Variants in FAP observed in about 807,000 individuals in gnomAD.
FAP encodes the protein fibroblast activation protein alpha.
In FAP, 110 loss-of-function variants were observed where a neutral mutation model predicts 126.5. The observed-to-expected ratio is 0.87, with a 90% CI of 0.74 to 1.02. The LOEUF is 1.02. FAP is among the 50% of genes least tolerant of loss of function. The probability of loss-of-function intolerance (pLI) is 0.00; values close to 1 mark genes in which losing one functional copy is unlikely to be tolerated. For synonymous variants in FAP, 334 were observed against 297.3 expected (o/e 1.12, Z -1.27); for missense variants, 919 against 909.2 (o/e 1.01, Z -0.14).
At chr2:162,198,986 A>T (rs1688381104) in intron 15 of FAP, 105 bp from the exon 16 acceptor site, 2 of 931,236 alleles carry the variant, frequency 2.1e-6, no homozygotes, top group African/African-American at 1.7e-5. Context: ...CATCAAACCC[A>T]CTCTATTTTT....
intron 20 of FAP, among the ~76,000 whole-genome samples, chr2:162,187,272 G>A (rs964538373): frequency 6.6e-6 from 1 of 151,934 alleles, no homozygotes; most frequent in African/African-American, 2.4e-5. Flanking sequence ...AACATTAAGG[G>A]GATAAAAAAT....
chr2:162,242,846 T>C, intron 2 of FAP, 62 bp downstream of exon 2: 2 of 1,239,336 alleles, frequency 1.6e-6, no homozygotes, highest in Non-Finnish European at 2.3e-6. Flanking sequence ...ACTTGTGATC[T>C]TGCATTAGTA....
At chr2:162,172,577 G>A (rs1687347936) in intron 25 of FAP, 1 of 447,668 alleles carries the variant, frequency 2.2e-6, no homozygotes, top group Non-Finnish European at 4.0e-6. Context: ...TTAATCTTGT[G>A]AACTCCTTTA....
intron 15 of FAP, among the ~76,000 whole-genome samples, chr2:162,199,299 T>A (rs1427295664): frequency 6.6e-6 from 1 of 152,164 alleles, no homozygotes; most frequent in African/African-American, 2.4e-5. Flanking sequence ...AAAGAGTCCC[T>A]GTTCTTACCA....
rs774667478 is a variant in FAP, at chr2:162,224,561, A to G, written c.286-21T>C. On this transcript the variant is annotated intron_variant, in intron 4 of 25. Coordinates refer to ENST00000188790, the MANE Select transcript of FAP (RefSeq NM_004460.5). ...CTTTTCTGAAATTATGAAGAGGTTG[A>G]TTAGAATACAGAAAAGATAACAAAG... 13 of 1,457,766 alleles carry G rather than the reference A, an allele frequency of 8.9e-6. No homozygotes were observed. The South Asian group carries it at 1.5e-4, about 16-fold the overall frequency. 90.3% of individuals were successfully genotyped at this position (1,457,766 alleles called of 1,614,324 possible).
At chr2:162,188,140 G>C in intron 20 of FAP, 29 bp downstream of exon 20, 1 of 1,567,754 alleles carries the variant, frequency 6.4e-7, no homozygotes, top group South Asian at 1.1e-5. Context: ...GTTGCATGTT[G>C]ACATCTGCTT....
At chr2:162,234,936 T>A (rs541870903) in intron 2 of FAP, among the ~76,000 whole-genome samples, 4 of 152,170 alleles carry the variant, frequency 2.6e-5, no homozygotes, top group Non-Finnish European at 5.9e-5. Context: ...GTGGGCTTGG[T>A]GGGCCCCACA....
At chr2:162,242,473 T>G (rs1171354478) in intron 2 of FAP, among the ~76,000 whole-genome samples, 1 of 152,178 alleles carries the variant, frequency 6.6e-6, no homozygotes, top group African/African-American at 2.4e-5. Flanking sequence ...CCTCCCTAAA[T>G]TTTTGGAAAG....
chr2:162,202,958 C>G lies in FAP; in HGVS notation c.1153-16G>C. 1 of 1,610,688 alleles carries G rather than the reference C, an allele frequency of 6.2e-7. No individual in the cohort carries two copies. The highest frequency in any genetic ancestry group is 1.1e-5 in the South Asian group (1 of 90,990). Reference sequence around the variant, plus strand: ...TAGCATTTTCCTATAAAAAGACAAACATTATGTTGTGTGAAACTGAGCGTT... The same window carrying G: ...TAGCATTTTCCTATAAAAAGACAAAGATTATGTTGTGTGAAACTGAGCGTT... On this transcript the variant is annotated splice_polypyrimidine_tract_variant and intron_variant, in intron 13 of 25. Coordinates refer to ENST00000188790, the MANE Select transcript of FAP (RefSeq NM_004460.5).
At chr2:162,225,443 G>A in intron 4 of FAP, 40 bp downstream of exon 4, 1 of 1,580,188 alleles carries the variant, frequency 6.3e-7, no homozygotes, top group Non-Finnish European at 8.6e-7. Context: ...TGAAGAGTGG[G>A]CAAAGGTTTC....
At chr2:162,196,260 G>A (rs1007575048) in intron 16 of FAP, among the ~76,000 whole-genome samples, 1 of 152,164 alleles carries the variant, frequency 6.6e-6, no homozygotes, top group Non-Finnish European at 1.5e-5. Context: ...GAGGAAAAAG[G>A]ATAGTATTTA....
At chr2:162,172,650 T>G in intron 25 of FAP, 161 bp downstream of exon 25, 3 of 580,482 alleles carry the variant, frequency 5.2e-6, no homozygotes, top group Non-Finnish European at 6.1e-6. Flanking sequence ...CTTCAGTAGT[T>G]AAAGAAAGAT....
chr2:162,183,637 G>C lies in FAP; in HGVS notation c.1815-169C>G. 4 of 568,048 alleles carry C rather than the reference G, an allele frequency of 7.0e-6. No homozygotes were observed. In the South Asian group the frequency reaches 8.9e-5, roughly 13 times the overall value. 35.2% of individuals were successfully genotyped at this position (568,048 alleles called of 1,614,324 possible). On this transcript the variant is annotated intron_variant, in intron 20 of 25. Transcript: ENST00000188790. Reference sequence around the variant, plus strand: ...CAAATAATTAAAATAATATTATCATGTTTTCTGCAAAGAGATAAAAGGATT... The same window carrying C: ...CAAATAATTAAAATAATATTATCATCTTTTCTGCAAAGAGATAAAAGGATT...
chr2:162,205,046 A>C (rs1387322478), intron 12 of FAP, among the ~76,000 whole-genome samples: 3 of 152,188 alleles, frequency 2.0e-5, no homozygotes, highest in Admixed American at 6.5e-5. Flanking sequence ...CTCCTAGTGT[A>C]GCCAACCAGT....
At chr2:162,197,849 C>G (rs1407217656) in intron 16 of FAP, 1 of 334,536 alleles carries the variant, frequency 3.0e-6, no homozygotes, top group Admixed American at 4.3e-5. Flanking sequence ...TTTGTAATAC[C>G]TTTTTCCAAG....
intron 21 of FAP, among the ~76,000 whole-genome samples, chr2:162,177,103 C>T (rs1240351853): frequency 3.3e-5 from 5 of 151,998 alleles, no homozygotes; most frequent in Non-Finnish European, 7.4e-5. Context: ...GAGTGGGGCT[C>T]CCAGGCAGAG....
chr2:162,182,344 A>G (rs1687721716), intron 21 of FAP, among the ~76,000 whole-genome samples: 1 of 152,238 alleles, frequency 6.6e-6, no homozygotes, highest in Non-Finnish European at 1.5e-5. Context: ...TTGCTTTAGG[A>G]AACTTTATAA....
At chr2:162,207,836 G>A (rs1351852989) in intron 12 of FAP, among the ~76,000 whole-genome samples, 1 of 151,534 alleles carries the variant, frequency 6.6e-6, no homozygotes, top group African/African-American at 2.4e-5. Flanking sequence ...TCAGCCTCCT[G>A]AGTAGCTGGG....
intron 2 of FAP, among the ~76,000 whole-genome samples, chr2:162,233,319 G>T (rs1474660186): frequency 6.6e-6 from 1 of 151,640 alleles, no homozygotes; most frequent in Middle Eastern, 3.2e-3. Flanking sequence ...CAACACCCAG[G>T]CCTGCCAACC....
Sources: gnomAD v4.1 joint callset for allele counts (sites outside exome capture counted in the v4.1 genomes callset) on GRCh38, gnomAD v4.1.1 for gene constraint, MANE v1.5 for transcripts, NCBI Gene and HGNC (gene_info 2026-07-23, HGNC 2026-07-21) for gene names.